TANC1: variants seen among roughly 807,000 people sequenced by gnomAD.
The protein encoded by TANC1 is protein TANC1.
In TANC1, 77 loss-of-function variants were observed where a neutral mutation model predicts 149.7. That is an observed-to-expected ratio of 0.51 (90% confidence interval 0.43 to 0.62). The LOEUF (loss-of-function observed/expected upper bound fraction) is 0.62. Among genes scored for constraint, TANC1 ranks in the 20% least tolerant of loss-of-function variants. TANC1 has a pLI of 0.00. For synonymous variants in TANC1, 854 were observed against 925.0 expected (o/e 0.92, Z 1.39); for missense variants, 1,985 against 2,321.8 (o/e 0.85, Z 2.98).
At chr2:159,077,748 T>A (rs536452877) in intron 3 of TANC1, among the ~76,000 whole-genome samples, 1 of 152,304 alleles carries the variant, frequency 6.6e-6, no homozygotes, top group African/African-American at 2.4e-5. Flanking sequence ...ATATATATTT[T>A]TTTTATTACA....
intron 19 of TANC1, among the ~76,000 whole-genome samples, chr2:159,209,572 A>T (rs1462323135): frequency 2.6e-5 from 4 of 152,132 alleles, no homozygotes; most frequent in Non-Finnish European, 5.9e-5. Flanking sequence ...GTGACGGCCG[A>T]GCTCCCAGTG....
chr2:159,190,297 A>G (rs1325835124), intron 16 of TANC1, among the ~76,000 whole-genome samples: 1 of 152,140 alleles, frequency 6.6e-6, no homozygotes, highest in African/African-American at 2.4e-5. Flanking sequence ...ATGGGGGAGG[A>G]CAGAATGTAA....
chr2:159,076,338 C>T (rs7576222), intron 3 of TANC1, among the ~76,000 whole-genome samples: 16 of 152,124 alleles, frequency 1.1e-4, no homozygotes, highest in African/African-American at 3.6e-4. Flanking sequence ...CATGTTTGTG[C>T]TGAGGCTAGA....
At chr2:159,214,451 G>A (rs1388563320) in intron 19 of TANC1, among the ~76,000 whole-genome samples, 1 of 152,174 alleles carries the variant, frequency 6.6e-6, no homozygotes, top group Non-Finnish European at 1.5e-5. Context: ...TCTCTCACCT[G>A]CTGAGAACCA....
intron 14 of TANC1, among the ~76,000 whole-genome samples, chr2:159,182,826 G>GT (rs35975742): frequency 0.24 from 36,865 of 152,114 alleles, 4,710 homozygotes; most frequent in Middle Eastern, 0.32. Context: ...AGATCCATCA[G>GT]TTTTTTGGGG....
intron 3 of TANC1, among the ~76,000 whole-genome samples, chr2:159,072,338 C>A (rs1394867967): frequency 6.6e-6 from 1 of 152,174 alleles, no homozygotes; most frequent in Non-Finnish European, 1.5e-5. Flanking sequence ...TAGGTTCCTT[C>A]ATCAGATTTT....
chr2:159,102,885 AT>A (rs1221303447), intron 4 of TANC1, among the ~76,000 whole-genome samples: 1 of 88,722 alleles, frequency 1.1e-5, no homozygotes, highest in East Asian at 2.4e-4. Context: ...CGCCTGGCTA[AT>A]TTTTTGTATT....
intron 4 of TANC1, among the ~76,000 whole-genome samples, chr2:159,108,066 C>CA (rs1337576408): frequency 6.6e-6 from 1 of 152,232 alleles, no homozygotes; most frequent in East Asian, 1.9e-4. Context: ...TTTAGTATTT[C>CA]CATGCCCATC....
chr2:158,995,146 T>C (rs577618979), intron 1 of TANC1, among the ~76,000 whole-genome samples: 23 of 152,346 alleles, frequency 1.5e-4, no homozygotes, highest in Middle Eastern at 3.4e-3. Flanking sequence ...CCCCCACCTG[T>C]TACAGTGAGC....
At chr2:159,136,764 C>T (rs1040369439) in intron 5 of TANC1, among the ~76,000 whole-genome samples, 7 of 93,894 alleles carry the variant, frequency 7.5e-5, no homozygotes, top group East Asian at 3.2e-4. Context: ...TGAAGTTTTT[C>T]TTTAGGGGAT....
intron 1 of TANC1, among the ~76,000 whole-genome samples, chr2:158,976,486 G>T (rs2033685721): frequency 6.6e-6 from 1 of 152,198 alleles, no homozygotes; most frequent in African/African-American, 2.4e-5. Context: ...TTCTTGCAAA[G>T]AAAGTGTAAT....
chr2:159,101,154 G>T (rs1357093016), intron 4 of TANC1, among the ~76,000 whole-genome samples: 1 of 151,888 alleles, frequency 6.6e-6, no homozygotes, highest in Admixed American at 6.6e-5. Flanking sequence ...TTCCTCTCTT[G>T]TTCAAGGTTA....
intron 2 of TANC1, among the ~76,000 whole-genome samples, chr2:159,035,224 C>CCTTTTGA (rs2040090065): frequency 6.6e-6 from 1 of 151,904 alleles, no homozygotes; most frequent in East Asian, 1.9e-4. Context: ...TTGAAGGAGT[C>CCTTTTGA]AGTGGGAAAT....
chr2:159,130,056 TG>T (rs952331855), intron 4 of TANC1, among the ~76,000 whole-genome samples: 1 of 152,170 alleles, frequency 6.6e-6, no homozygotes, highest in Non-Finnish European at 1.5e-5. Context: ...GGCGGGGGAC[TG>T]GGAGCCCAGC....
intron 19 of TANC1, among the ~76,000 whole-genome samples, chr2:159,201,239 G>A (rs956492495): frequency 6.6e-6 from 1 of 152,178 alleles, no homozygotes; most frequent in African/African-American, 2.4e-5. Context: ...CTGAAATCTT[G>A]CAGGGGGTTT....
chr2:159,138,789 G>A (rs572762735), intron 5 of TANC1, among the ~76,000 whole-genome samples: 1 of 152,206 alleles, frequency 6.6e-6, no homozygotes, highest in Non-Finnish European at 1.5e-5. Context: ...TCTTTGTGAA[G>A]TGCTTTTGAA....
At chr2:159,087,898 C>A (rs2045106159) in intron 3 of TANC1, among the ~76,000 whole-genome samples, 1 of 148,570 alleles carries the variant, frequency 6.7e-6, no homozygotes, top group Non-Finnish European at 1.5e-5. Context: ...TTAGGAGACA[C>A]AGACACAGAG....
Position 159,196,717 on chromosome 2 carries a change from C to T in TANC1, c.3089C>T (p.Pro1030Leu). Reference sequence around the variant, plus strand: ...ACTTGTGAGTGGTCGCCGGGTCCTCCCCAGCCAGGCACCCTGAGGAAGAGC... The same window carrying T: ...ACTTGTGAGTGGTCGCCGGGTCCTCTCCAGCCAGGCACCCTGAGGAAGAGC... ...LLTCEWSPGP[P>L]QPGTLRKSHA... The change falls in exon 18 of 27, where the codon CCC becomes CTC. Residue 1030 changes from proline (P) to leucine (L), a missense_variant. By Grantham distance (98) the Pro-to-Leu change is moderately conservative. This residue lies in a region of TANC1 where 508 missense variants were observed against 714.2 expected (regional missense o/e 0.71). Coordinates refer to ENST00000263635, the MANE Select transcript of TANC1 (RefSeq NM_033394.3). 6.2e-7 allele frequency: 1 copy of T among 1,613,962 alleles called. No homozygotes were observed. The highest frequency in any genetic ancestry group is 8.5e-7 in the Non-Finnish European group (1 of 1,180,004).
At chr2:159,018,002 C>T (rs1193214504) in intron 2 of TANC1, among the ~76,000 whole-genome samples, 4 of 152,116 alleles carry the variant, frequency 2.6e-5, no homozygotes, top group Admixed American at 1.3e-4. Context: ...TGTATGTGTG[C>T]GTTTTGAATA....
Sources: gnomAD v4.1 joint callset for allele counts (sites outside exome capture counted in the v4.1 genomes callset) on GRCh38, gnomAD v4.1.1 for gene constraint, gnomAD v4.1.1 regional missense constraint, MANE v1.5 for transcripts, NCBI Gene and HGNC (gene_info 2026-07-23, HGNC 2026-07-21) for gene names.